CCDC40: variants seen among roughly 807,000 people sequenced by gnomAD.
The protein encoded by CCDC40 is coiled-coil domain 40 molecular ruler complex subunit.
Under a neutral mutation model 124.5 loss-of-function variants are expected in CCDC40, and 104 were observed. That is an observed-to-expected ratio of 0.84 (90% CI 0.71 to 0.98). The LOEUF (loss-of-function observed/expected upper bound fraction) is 0.98. CCDC40 is among the 50% of genes least tolerant of loss of function. CCDC40 has a pLI of 0.00. For missense variants in CCDC40, 1,463 were observed against 1,503.9 expected, an observed-to-expected ratio of 0.97 and a Z score of 0.45; for synonymous variants, 580 against 602.9, an observed-to-expected ratio of 0.96 and a Z score of 0.56.
At chr17:80,056,399 C>T (rs2037750367) in intron 7 of CCDC40, among the ~76,000 whole-genome samples, 1 of 151,934 alleles carries the variant, frequency 6.6e-6, no homozygotes, top group East Asian at 1.9e-4. Flanking sequence ...GCTGGCAGAT[C>T]GTTTGAGCTC....
intron 9 of CCDC40, among the ~76,000 whole-genome samples, chr17:80,060,134 G>T (rs2037860384): frequency 6.6e-6 from 1 of 152,180 alleles, no homozygotes; most frequent in Non-Finnish European, 1.5e-5. Flanking sequence ...ATCCCAGTCT[G>T]CTCAGGACTG....
intron 17 of CCDC40, chr17:80,090,792 A>G: frequency 1.6e-6 from 2 of 1,266,606 alleles, no homozygotes; most frequent in Non-Finnish European, 2.0e-6. Flanking sequence ...CATAAAATAA[A>G]TGGGCCTCAC....
At chr17:80,063,340 A>G (rs1486612764) in intron 9 of CCDC40, among the ~76,000 whole-genome samples, 1 of 152,192 alleles carries the variant, frequency 6.6e-6, no homozygotes. Flanking sequence ...TTATTTGCAC[A>G]TTCTATTTGC....
intron 19 of CCDC40, chr17:80,097,948 A>AAGAAAAGAAT: frequency 7.3e-6 from 1 of 137,802 alleles, no homozygotes; most frequent in Admixed American, 7.1e-5. Flanking sequence ...AAGAAAAGAA[A>AAGAAAAGAAT]AGAAAAAGGG....
chr17:80,045,393 C>T (rs1363185162), intron 3 of CCDC40, among the ~76,000 whole-genome samples: 2 of 152,122 alleles, frequency 1.3e-5, no homozygotes, highest in African/African-American at 2.4e-5. Context: ...TGTCAATAGT[C>T]GTAACTGCAA....
At chr17:80,038,917 G>A (rs1389225365) in intron 2 of CCDC40, among the ~76,000 whole-genome samples, 1 of 152,204 alleles carries the variant, frequency 6.6e-6, no homozygotes, top group Admixed American at 6.5e-5. Context: ...TCTTGCACCA[G>A]AACAAACTCA....
chr17:80,084,586 T>C (rs1443379934), intron 12 of CCDC40, among the ~76,000 whole-genome samples, 157 bp from the exon 13 acceptor site: 1 of 152,202 alleles, frequency 6.6e-6, no homozygotes, highest in Admixed American at 6.5e-5. Flanking sequence ...TGCTGGGTCC[T>C]GGAGACAGTG....
At chr17:80,079,043 C>T (rs772126745) in intron 10 of CCDC40, among the ~76,000 whole-genome samples, 7 of 151,354 alleles carry the variant, frequency 4.6e-5, no homozygotes, top group Non-Finnish European at 7.4e-5. Context: ...AAGTGATTCT[C>T]ATGCCTCAGT....
chr17:80,096,449 C>T (rs1362134456), intron 18 of CCDC40, among the ~76,000 whole-genome samples: 1 of 151,584 alleles, frequency 6.6e-6, no homozygotes, highest in Non-Finnish European at 1.5e-5. Context: ...GTGGCCTCTT[C>T]TCAGTCCTTT....
chr17:80,048,463 G>A, intron 4 of CCDC40, 120 bp from the exon 5 acceptor site: 1 of 825,088 alleles, frequency 1.2e-6, no homozygotes, highest in South Asian at 1.4e-5. Flanking sequence ...TGCTTTTGCT[G>A]TCACTTTCCC....
Position 80,084,917 on chromosome 17 carries a change from C to G in CCDC40, c.2164C>G (p.Leu722Val). 6.2e-7 allele frequency: 1 copy of G among 1,614,100 alleles called. No individual in the cohort carries two copies. Among genetic ancestry groups the G allele is most frequent in the Non-Finnish European group, 8.5e-7 (1 of 1,180,038 alleles). ...SQSEISRRTI[L>V]IERKQGLINF... ...GAGCGAGATCTCCCGGCGCACGATC[C>G]TGATCGAGAGGAAGCAAGGGCTCAT... Residue 722 changes from leucine (L) to valine (V), a missense_variant, in exon 13 of 20, where the codon CTG becomes GTG. Coordinates refer to ENST00000397545, the MANE Select transcript of CCDC40 (RefSeq NM_017950.4).
In CCDC40 at chr17:80,058,385, G is replaced by C; in HGVS notation, c.1160-109G>C. On this transcript the variant is annotated intron_variant, in intron 7 of 19. Transcript: ENST00000397545. The surrounding 1 kb of genome is among the most constrained non-coding windows in gnomAD (Gnocchi z 4.2). ...AGTCTTACCCAAAAATGGCAGGAAG[G>C]GTGCCCAGAACGGCTGTTCCCTGCT... 1.1e-6 allele frequency: 1 copy of C among 947,450 alleles called. No individual in the cohort carries two copies. Among genetic ancestry groups the C allele is most frequent in the South Asian group, 1.4e-5 (1 of 72,000 alleles). The allele number at this position is 947,450 out of a possible 1,614,324, so 58.7% of individuals were successfully genotyped here.
chr17:80,091,336 C>CAG (rs1347758584), intron 17 of CCDC40, among the ~76,000 whole-genome samples: 5 of 144,478 alleles, frequency 3.5e-5, no homozygotes, highest in South Asian at 4.6e-4. Context: ...CACACACACA[C>CAG]ACACACAGAG....
chr17:80,037,688 A>AAAAAAATAT, intron 1 of CCDC40, among the ~76,000 whole-genome samples: 1 of 45,678 alleles, frequency 2.2e-5, no homozygotes, highest in Non-Finnish European at 5.4e-5. Context: ...TTTTTTAAAA[A>AAAAAAATAT]AGATATACAT....
Position 80,058,983 on chromosome 17 carries a change from A to T in CCDC40, c.1440+3A>T, listed in dbSNP as rs1197505813. On this transcript the variant is annotated splice_donor_region_variant and intron_variant, in intron 9 of 19. Coordinates refer to ENST00000397545, the MANE Select transcript of CCDC40 (RefSeq NM_017950.4). The surrounding 1 kb of genome is among the most constrained non-coding windows in gnomAD (Gnocchi z 4.2). ...TTTTAAGGAAAGCAGTGAGTGAGGT[A>T]AAAGCAGTCCCCGCAGCTCTCAGTG... The T allele has an allele frequency of 6.2e-7, 1 of 1,614,180 alleles. No individual in the cohort carries two copies. Among genetic ancestry groups the T allele is most frequent in the South Asian group, 1.1e-5 (1 of 91,088 alleles).
chr17:80,065,747 C>G, intron 10 of CCDC40, 141 bp downstream of exon 10: 1 of 1,123,484 alleles, frequency 8.9e-7, no homozygotes, highest in Middle Eastern at 2.8e-4. Context: ...GGCTTCCGTC[C>G]GGAAAGCTCC....
At chr17:80,099,447 G>T in intron 19 of CCDC40, 80 bp from the exon 20 acceptor site, 1 of 1,534,738 alleles carries the variant, frequency 6.5e-7, no homozygotes, top group Non-Finnish European at 8.9e-7. Context: ...GCATTTCCTG[G>T]AATCTGAGTT....
chr17:80,036,829 C>T (rs1157912533), intron 1 of CCDC40, 138 bp downstream of exon 1: 1 of 815,486 alleles, frequency 1.2e-6, no homozygotes, highest in Non-Finnish European at 1.8e-6. Context: ...TGTCCCTTCT[C>T]TCGCCATTTT....
Position 80,086,376 on chromosome 17 carries a change from G to GA in CCDC40, c.2449+162dup, listed in dbSNP as rs1001145758. Reference sequence around the variant, plus strand: ...CATGCTCCCTGTATTTTGTAAATGTGAACCACTGCCTGCCCAGCTGCCCAG... The same window carrying GA: ...CATGCTCCCTGTATTTTGTAAATGTGAAACCACTGCCTGCCCAGCTGCCCAG... On this transcript the variant is annotated intron_variant, in intron 14 of 19. Transcript: ENST00000397545. The surrounding 1 kb of genome is among the most constrained non-coding windows in gnomAD (Gnocchi z 5.5). The GA allele has an allele frequency of 4.6e-6, 3 of 658,206 alleles. No individual in the cohort carries two copies. The highest frequency in any genetic ancestry group is 3.6e-5 in the African/African-American group (2 of 55,624). The allele number at this position is 658,206 out of a possible 1,614,324, so 40.8% of individuals were successfully genotyped here.
Sources: gnomAD v4.1 joint callset for allele counts (sites outside exome capture counted in the v4.1 genomes callset) on GRCh38, gnomAD v4.1.1 for gene constraint, Gnocchi (gnomAD v3.1) non-coding constraint, MANE v1.5 for transcripts, NCBI Gene and HGNC (gene_info 2026-07-23, HGNC 2026-07-21) for gene names.